The following LARP1B variants were observed in gnomAD, a reference collection of about 807,000 sequenced individuals.
LARP1B encodes the protein La ribonucleoprotein 1B, also known as la-related protein 1B.
LARP1B carries 76 observed loss-of-function variants against 114.2 expected under a neutral mutation model. That is an observed-to-expected ratio of 0.67 (90% CI 0.55 to 0.81). The LOEUF (loss-of-function observed/expected upper bound fraction) is 0.81. Ranked by LOEUF, LARP1B falls within the 30% of genes least tolerant of loss-of-function variation. The probability of loss-of-function intolerance (pLI) is 0.00; values close to 1 mark genes in which losing one functional copy is unlikely to be tolerated. For missense variants in LARP1B, 1,014 were observed against 1,075.8 expected (o/e 0.94, Z 0.80); for synonymous variants, 345 against 348.0 (o/e 0.99, Z 0.10).
intron 9 of LARP1B, among the ~76,000 whole-genome samples, chr4:128,113,732 T>C (rs1784879000): frequency 6.6e-6 from 1 of 152,060 alleles, no homozygotes; most frequent in Non-Finnish European, 1.5e-5. Context: ...TTTTAAATGC[T>C]TTTAATGTTA....
chr4:128,083,311 C>T (rs1022483942), intron 5 of LARP1B, among the ~76,000 whole-genome samples: 7 of 152,140 alleles, frequency 4.6e-5, no homozygotes, highest in African/African-American at 9.7e-5. Context: ...CATCCTGGCC[C>T]GTTCTCAATG....
rs371108172 is a variant in LARP1B, at chr4:128,098,369, C to T, written c.813+39C>T. 6 of 1,550,866 alleles carry T rather than the reference C, an allele frequency of 3.9e-6. No individual in the cohort carries two copies. The Admixed American group carries it at 7.1e-5, about 18-fold the overall frequency. On this transcript the variant is annotated intron_variant, in intron 8 of 19. Transcript: ENST00000326639. ...TGATGAACAATTTGTACTTTCTGCTCAAATTTCCTTTGTACCTAAAACTTC... is the reference window on the plus strand; with the variant it reads ...TGATGAACAATTTGTACTTTCTGCTTAAATTTCCTTTGTACCTAAAACTTC...
rs1423143842 is a variant in LARP1B at position 128,061,777 on chromosome 4, C to A, written c.-78+376C>A. ...CTGCTGAGAGGGAGTCGCTGTTGGC[C>A]GCGGCGAACCGGCCGGCCGAGCAGC... On this transcript the variant is annotated intron_variant, in intron 1 of 19. Transcript: ENST00000326639. 3 of 984,764 alleles carry A rather than the reference C, an allele frequency of 3.0e-6. No homozygotes were observed. The East Asian group carries it at 3.4e-4, about 112-fold the overall frequency. The allele number at this position is 984,764 out of a possible 1,614,324, so 61.0% of individuals were successfully genotyped here. A position where few individuals can be genotyped will look rare whatever the true frequency, so the allele number is the denominator to read the frequency against.
intron 5 of LARP1B, among the ~76,000 whole-genome samples, chr4:128,083,505 T>C (rs1329428532): frequency 1.5e-5 from 2 of 132,736 alleles, no homozygotes; most frequent in African/African-American, 2.8e-5. Context: ...GGCGCCTCAC[T>C]TCCCAGTAGG....
intron 3 of LARP1B, among the ~76,000 whole-genome samples, chr4:128,075,552 T>C (rs926605433): frequency 6.6e-6 from 1 of 151,892 alleles, no homozygotes; most frequent in Non-Finnish European, 1.5e-5. Flanking sequence ...CTTTTCTTTT[T>C]TTTTTTTTCC....
intron 5 of LARP1B, among the ~76,000 whole-genome samples, chr4:128,087,426 A>G (rs1200304196): frequency 6.6e-6 from 1 of 152,222 alleles, no homozygotes; most frequent in Non-Finnish European, 1.5e-5. Context: ...GTAGAGGTAA[A>G]TGTATTTTGA....
chr4:128,161,112 A>C (rs925373813), intron 11 of LARP1B, among the ~76,000 whole-genome samples: 1 of 152,160 alleles, frequency 6.6e-6, no homozygotes, highest in South Asian at 2.1e-4. Flanking sequence ...TATTGGGAAA[A>C]ACTTAGAAGA....
intron 11 of LARP1B, among the ~76,000 whole-genome samples, chr4:128,140,952 A>G (rs1008860940): frequency 6.6e-6 from 1 of 151,602 alleles, no homozygotes; most frequent in Non-Finnish European, 1.5e-5. Context: ...AGTAGCTGGG[A>G]TTACAGGCAT....
rs13146738 is a variant in LARP1B at position 128,113,370 on chromosome 4, A to G, written c.989-1200A>G. ...TTTTTTCTTTTTTTTTTTTTTTGAGACAGAGAGTTGCTCTGTCGCCCAGGC... is the reference window on the plus strand; with the variant it reads ...TTTTTTCTTTTTTTTTTTTTTTGAGGCAGAGAGTTGCTCTGTCGCCCAGGC... On this transcript the variant is annotated intron_variant, in intron 9 of 19. Transcript: ENST00000326639. 6.4e-3 allele frequency among the ~76,000 whole-genome samples: 884 copies of G among 137,930 alleles called. 6 individuals carry two copies. The highest frequency in any genetic ancestry group is 8.3e-3 in the Non-Finnish European group (543 of 65,258). 90.5% of individuals were successfully genotyped at this position (137,930 alleles called of 152,430 possible).
chr4:128,061,677 G>C, intron 1 of LARP1B: 2 of 984,744 alleles, frequency 2.0e-6, no homozygotes, highest in Middle Eastern at 5.2e-4. Flanking sequence ...GGCTGGGGCG[G>C]CTGGGGCAGA....
intron 1 of LARP1B, among the ~76,000 whole-genome samples, chr4:128,063,406 C>A (rs1470890222): frequency 9.7e-6 from 1 of 103,142 alleles, no homozygotes; most frequent in Non-Finnish European, 1.8e-5. Context: ...CCAGCCTGGT[C>A]GGCAGAGTGA....
rs200224058 is a variant in LARP1B at position 128,126,433 on chromosome 4, A to G, written c.1524+4245A>G. Among the ~76,000 whole-genome samples the G allele has an allele frequency of 7.2e-5, 11 of 152,248 alleles. 1 individual carries two copies. The East Asian group carries it at 2.1e-3, about 29-fold the overall frequency. ...CCACCATGCCTGGCCCCTTAAAATAATTTAGATAGTCAGATTATTAAACAA... is the reference window on the plus strand; with the variant it reads ...CCACCATGCCTGGCCCCTTAAAATAGTTTAGATAGTCAGATTATTAAACAA... On this transcript the variant is annotated intron_variant, in intron 11 of 19. Coordinates refer to ENST00000326639, the MANE Select transcript of LARP1B (RefSeq NM_018078.4).
intron 15 of LARP1B, among the ~76,000 whole-genome samples, chr4:128,195,103 T>C (rs762751288): frequency 6.6e-6 from 1 of 152,172 alleles, no homozygotes; most frequent in African/African-American, 2.4e-5. Context: ...TTCTAGACTT[T>C]TTTTTGTTGT....
At chr4:128,120,826 C>CAA (rs1787694518) in intron 10 of LARP1B, among the ~76,000 whole-genome samples, 1 of 79,150 alleles carries the variant, frequency 1.3e-5, no homozygotes, top group Non-Finnish European at 2.4e-5. Context: ...TTTTTTTTTT[C>CAA]TTCAGACAGA....
chr4:128,118,899 C>CA (rs1223200846), intron 10 of LARP1B, among the ~76,000 whole-genome samples: 6 of 145,878 alleles, frequency 4.1e-5, no homozygotes. Context: ...TTTTTTGAGA[C>CA]AGAGTTTCGC....
intron 8 of LARP1B, among the ~76,000 whole-genome samples, chr4:128,103,761 C>T (rs890203580): frequency 4.6e-5 from 7 of 151,958 alleles, no homozygotes; most frequent in South Asian, 2.1e-4. Context: ...GGGTTTTTGC[C>T]ATGTTGGCCA....
chr4:128,064,271 CAAAA>C (rs10679400), intron 1 of LARP1B, among the ~76,000 whole-genome samples: 2 of 79,582 alleles, frequency 2.5e-5, no homozygotes, highest in East Asian at 7.5e-4. Context: ...GACTCAGTCT[CAAAA>C]AAAAAAAAAA....
chr4:128,157,088 C>T (rs1031457712), intron 11 of LARP1B, among the ~76,000 whole-genome samples: 4 of 151,776 alleles, frequency 2.6e-5, no homozygotes, highest in Non-Finnish European at 5.9e-5. Context: ...AAACAGACCC[C>T]TAGTGATCCA....
At position 128,077,807 on chromosome 4, in the gene LARP1B, A is replaced by G; in HGVS notation, c.62A>G (p.Gln21Arg). Reference protein sequence around the residue: ...VNTGFQSVLSQGNKKPQNRKE... With the variant: ...VNTGFQSVLSRGNKKPQNRKE... ...TTGCAGTTTCAGAGCGTCCTCAGCC[A>G]AGGAAATAAAAAGCCACAAAATAGA... Residue 21 changes from glutamine to arginine, a missense_variant, in exon 4 of 20, where the codon CAA becomes CGA. Transcript: ENST00000326639. 6.3e-7 allele frequency: 1 copy of G among 1,598,780 alleles called. No homozygotes were observed. Among genetic ancestry groups the G allele is most frequent in the Non-Finnish European group, 8.5e-7 (1 of 1,175,500 alleles).
Sources: gnomAD v4.1 joint callset for allele counts (sites outside exome capture counted in the v4.1 genomes callset) on GRCh38, gnomAD v4.1.1 for gene constraint, MANE v1.5 for transcripts, NCBI Gene and HGNC (gene_info 2026-07-23, HGNC 2026-07-21) for gene names.